The following ACER3 variants were observed in gnomAD, a reference collection of about 807,000 sequenced individuals.
ACER3 encodes the protein alkaline ceramidase 3, also known as alkCDase 3.
A neutral mutation model predicts 48.9 loss-of-function variants in ACER3; 16 were observed. The observed-to-expected ratio is 0.33, with a 90% CI of 0.22 to 0.50. ACER3 has a LOEUF of 0.50. Among genes scored for constraint, ACER3 ranks in the 20% least tolerant of loss-of-function variants. The probability of loss-of-function intolerance (pLI) is 0.98; values close to 1 mark genes in which losing one functional copy is unlikely to be tolerated. For synonymous variants in ACER3, 109 were observed against 107.8 expected (o/e 1.01, Z -0.07); for missense variants, 227 against 326.0 (o/e 0.70, Z 2.34).
At chr11:76,995,321 G>A (rs2135245952) in intron 6 of ACER3, among the ~76,000 whole-genome samples, 1 of 152,102 alleles carries the variant, frequency 6.6e-6, no homozygotes, top group Non-Finnish European at 1.5e-5. Context: ...TATCTACATG[G>A]TTTATATCCT....
At chr11:76,912,992 A>G (rs1198038900) in intron 1 of ACER3, among the ~76,000 whole-genome samples, 4 of 152,314 alleles carry the variant, frequency 2.6e-5, no homozygotes, top group South Asian at 2.1e-4. Flanking sequence ...AGGATAGGAA[A>G]GAAAGGAAAA....
chr11:76,978,742 C>T (rs1607287), intron 4 of ACER3: 109,521 of 154,182 alleles, frequency 0.71, 39,332 homozygotes, highest in Non-Finnish European at 0.77. Context: ...AGGGGCTCCG[C>T]GAGCCAGGGC....
intron 1 of ACER3, among the ~76,000 whole-genome samples, chr11:76,863,497 T>A (rs1345754175): frequency 2.0e-5 from 3 of 152,206 alleles, no homozygotes; most frequent in Non-Finnish European, 4.4e-5. Context: ...TGAGGTCAAG[T>A]CATCTTACCA....
At chr11:76,951,775 C>A (rs1947677098) in intron 2 of ACER3, among the ~76,000 whole-genome samples, 1 of 152,186 alleles carries the variant, frequency 6.6e-6, no homozygotes, top group Non-Finnish European at 1.5e-5. Flanking sequence ...CTAGACTATG[C>A]CTTTATGAAC....
At chr11:76,982,481 C>G (rs557104133) in intron 4 of ACER3, among the ~76,000 whole-genome samples, 11 of 152,216 alleles carry the variant, frequency 7.2e-5, no homozygotes, top group South Asian at 2.1e-4. Context: ...TCCCAAAGTG[C>G]TGGGATTACA....
At chr11:76,993,663 G>C (rs545818209) in intron 6 of ACER3, among the ~76,000 whole-genome samples, 1 of 152,264 alleles carries the variant, frequency 6.6e-6, no homozygotes, top group African/African-American at 2.4e-5. Flanking sequence ...AACCTTTTTG[G>C]CACCAGAGAC....
At chr11:76,994,516 T>G (rs556185228) in intron 6 of ACER3, among the ~76,000 whole-genome samples, 43 of 152,364 alleles carry the variant, frequency 2.8e-4, no homozygotes, top group Non-Finnish European at 5.9e-5. Context: ...TCCGCCTGCC[T>G]TGGCATCCCA....
At chr11:76,975,584 A>C (rs1948419912) in intron 3 of ACER3, among the ~76,000 whole-genome samples, 1 of 152,184 alleles carries the variant, frequency 6.6e-6, no homozygotes. Flanking sequence ...ATGGAAATGC[A>C]AAAGAATACT....
Position 76,938,816 on chromosome 11 carries a change from A to G in ACER3, c.214+12149A>G, listed in dbSNP as rs377175687. On this transcript the variant is annotated intron_variant, in intron 2 of 10. Transcript: ENST00000532485. ...TGGGAGCAATGACGGCTTAGTAGCA[A>G]TGAACATACCTATTAATAGTGCTAG... Among the ~76,000 whole-genome samples the G allele has an allele frequency of 3.3e-3, 507 of 152,302 alleles. 13 individuals carry two copies. Among genetic ancestry groups the G allele is most frequent in the East Asian group, 1.2e-3 (6 of 5,190 alleles).
chr11:76,875,761 A>C (rs1244892788), intron 1 of ACER3, among the ~76,000 whole-genome samples: 2 of 67,600 alleles, frequency 3.0e-5, no homozygotes, highest in Non-Finnish European at 4.9e-5. Flanking sequence ...TTTTTTGTGG[A>C]GTCTCACTGT....
chr11:77,005,991 A>ATATATAT lies in ACER3; in HGVS notation c.497+7171_497+7172insATATATT, dbSNP rs1388727709. 3.8e-4 allele frequency among the ~76,000 whole-genome samples: 38 copies of ATATATAT among 100,876 alleles called. 1 individual carries two copies. Among genetic ancestry groups the ATATATAT allele is most frequent in the African/African-American group, 1.5e-3 (38 of 25,294 alleles). The allele number at this position is 100,876 out of a possible 152,430, so 66.2% of individuals were successfully genotyped here. A position where few individuals can be genotyped will look rare whatever the true frequency, so the allele number is the denominator to read the frequency against. On this transcript the variant is annotated intron_variant, in intron 7 of 10. Transcript: ENST00000532485. ...TATATACATATATATATATATATAT[A>ATATATAT]TTTTTTTTTTTTTTTGAGCCAGAGT... is the stretch of plus-strand genomic sequence containing the variant.
rs1188997076 is a variant in ACER3 at position 76,872,905 on chromosome 11, CTTTTTCTTTTTT to C, written c.103+11832_103+11843del. 6.3e-5 allele frequency among the ~76,000 whole-genome samples: 6 copies of C among 94,574 alleles called. No individual in the cohort carries two copies. The South Asian group carries it at 1.1e-3, about 17-fold the overall frequency. The allele number at this position is 94,574 out of a possible 152,430, so 62.0% of individuals were successfully genotyped here. A position where few individuals can be genotyped will look rare whatever the true frequency, so the allele number is the denominator to read the frequency against. On this transcript the variant is annotated intron_variant, in intron 1 of 10. Transcript: ENST00000532485. ...TCTTTTCTTTCTTTCTTTCTTTTTT[CTTTTTCTTTTTT>C]TTTTTTTTTTTTGAGACAGGGTCTC...
intron 1 of ACER3, among the ~76,000 whole-genome samples, chr11:76,899,040 A>C (rs1328868203): frequency 2.6e-5 from 4 of 151,910 alleles, no homozygotes; most frequent in African/African-American, 9.7e-5. Flanking sequence ...TAATCTTGGC[A>C]TCAGGAAAGA....
chr11:76,918,398 T>C (rs547315120), intron 1 of ACER3, among the ~76,000 whole-genome samples: 8 of 152,238 alleles, frequency 5.3e-5, no homozygotes, highest in African/African-American at 1.7e-4. Flanking sequence ...CCTATAACTT[T>C]CTTTGTTACT....
intron 9 of ACER3, 143 bp from the exon 10 acceptor site, chr11:77,019,588 C>A: frequency 6.0e-6 from 4 of 670,078 alleles, no homozygotes; most frequent in South Asian, 4.1e-5. Flanking sequence ...AAAAAAAAAA[C>A]AGTTGCTGAA....
chr11:76,992,250 TTGTA>T (rs889556091), intron 6 of ACER3, among the ~76,000 whole-genome samples: 1 of 152,122 alleles, frequency 6.6e-6, no homozygotes, highest in Non-Finnish European at 1.5e-5. Context: ...TGAAGTTAAT[TTGTA>T]TAAATACCTC....
intron 7 of ACER3, among the ~76,000 whole-genome samples, chr11:77,013,210 G>A (rs924360783): frequency 3.3e-5 from 5 of 151,910 alleles, no homozygotes; most frequent in Admixed American, 6.6e-5. Flanking sequence ...TTTTTGGTTC[G>A]GCAAAGATTT....
chr11:77,025,830 G>C lies in ACER3; in HGVS notation c.*5503G>C, dbSNP rs1461081981. 1 of 152,254 alleles carries C rather than the reference G, an allele frequency of 6.6e-6. No homozygotes were observed. Among genetic ancestry groups the C allele is most frequent in the Non-Finnish European group, 1.5e-5 (1 of 68,050 alleles). The allele number at this position is 152,254 out of a possible 1,614,324, so 9.4% of individuals were successfully genotyped here. A position where few individuals can be genotyped will look rare whatever the true frequency, so the allele number is the denominator to read the frequency against. On this transcript the variant is annotated 3_prime_UTR_variant, in exon 11 of 11. Transcript: ENST00000532485. ...TTGTCTCCCCTGCTCTAGACTGTCA[G>C]CAAGTGGTACAGTGGTACAGTACAG...
intron 6 of ACER3, 68 bp from the exon 7 acceptor site, chr11:76,998,695 T>G: frequency 9.1e-7 from 1 of 1,096,790 alleles, no homozygotes; most frequent in Non-Finnish European, 1.3e-6. Flanking sequence ...GCTATTTTGG[T>G]AGGCAAAATA....
Sources: allele counts gnomAD v4.1 joint callset (sites outside exome capture counted in the v4.1 genomes callset), GRCh38; gene constraint gnomAD v4.1.1; transcripts MANE v1.5; gene names NCBI Gene and HGNC (gene_info 2026-07-23, HGNC 2026-07-21).